DYNC2H1: variants seen among roughly 807,000 people sequenced by gnomAD.
DYNC2H1 encodes dynein cytoplasmic 2 heavy chain 1.
A neutral mutation model predicts 570.0 loss-of-function variants in DYNC2H1; 410 were observed. That is an observed-to-expected ratio of 0.72 (90% CI 0.66 to 0.78). The LOEUF (loss-of-function observed/expected upper bound fraction) is 0.78. Ranked by LOEUF, DYNC2H1 falls within the 30% of genes least tolerant of loss-of-function variation. DYNC2H1 has a pLI of 0.00. For missense variants in DYNC2H1, 4,865 were observed against 5,046.4 expected (o/e 0.96, Z 1.09); for synonymous variants, 1,688 against 1,677.6 (o/e 1.01, Z -0.15).
rs1486922597 is a variant in DYNC2H1 at position 103,209,831 on chromosome 11, A to G, written c.8455-45A>G. The G allele has an allele frequency of 2.2e-6, 3 of 1,359,354 alleles. No homozygotes were observed. Among genetic ancestry groups the G allele is most frequent in the Non-Finnish European group, 2.9e-6 (3 of 1,045,460 alleles). The allele number at this position is 1,359,354 out of a possible 1,614,324, so 84.2% of individuals were successfully genotyped here. On this transcript the variant is annotated intron_variant, in intron 52 of 88. Transcript: ENST00000375735. The surrounding 1 kb of genome is among the most constrained non-coding windows in gnomAD (Gnocchi z 4.2). ...GTATTAAAGGTTTTTAACTTATGAT[A>G]TGGGACTTATACTCTTTCATAGTGA...
At chr11:103,430,053 G>A (rs555988491) in intron 84 of DYNC2H1, among the ~76,000 whole-genome samples, 1 of 152,134 alleles carries the variant, frequency 6.6e-6, no homozygotes, top group Non-Finnish European at 1.5e-5. Flanking sequence ...TACTGGTATT[G>A]CACTCCTATT....
intron 36 of DYNC2H1, among the ~76,000 whole-genome samples, chr11:103,174,686 A>G (rs902036313): frequency 3.3e-5 from 5 of 152,120 alleles, no homozygotes; most frequent in Non-Finnish European, 5.9e-5. Flanking sequence ...TAGGTTATAA[A>G]TGTTTGGAAA....
At position 103,431,061 on chromosome 11, in the gene DYNC2H1, A is replaced by G. The variant is rs78100158; in HGVS notation, c.12367-4882A>G. ...ATTTACTCATACTTGCTGCATAATCACTTAATTGAGATTTGAGAGAGAGTG... is the reference window on the plus strand; with the variant it reads ...ATTTACTCATACTTGCTGCATAATCGCTTAATTGAGATTTGAGAGAGAGTG... On this transcript the variant is annotated intron_variant, in intron 84 of 88. Transcript: ENST00000375735. 9.9e-4 allele frequency among the ~76,000 whole-genome samples: 151 copies of G among 152,154 alleles called. 2 individuals are homozygous for G. In the East Asian group the frequency reaches 0.028, roughly 28 times the overall value.
At chr11:103,271,170 T>C (rs1381678546) in intron 70 of DYNC2H1, among the ~76,000 whole-genome samples, 1 of 152,232 alleles carries the variant, frequency 6.6e-6, no homozygotes, top group Non-Finnish European at 1.5e-5. Flanking sequence ...TCTGCGAAGA[T>C]TAGTTTTTCT....
In DYNC2H1 at chr11:103,186,020, A is replaced by C. The variant is rs1458696172; in HGVS notation, c.6634-222A>C. ...CTTAGTGTATAAATAAATATCCACTATGTCATTATCTCCTATATATACTTT... is the reference window on the plus strand; with the variant it reads ...CTTAGTGTATAAATAAATATCCACTCTGTCATTATCTCCTATATATACTTT... On this transcript the variant is annotated intron_variant, in intron 41 of 88. Coordinates refer to ENST00000375735, the MANE Select transcript of DYNC2H1 (RefSeq NM_001377.3). The surrounding 1 kb of genome is among the most constrained non-coding windows in gnomAD (Gnocchi z 4.5). Among the ~76,000 whole-genome samples the C allele has an allele frequency of 2.0e-5, 3 of 152,032 alleles. No individual in the cohort carries two copies. Among genetic ancestry groups the C allele is most frequent in the East Asian group, 3.8e-4 (2 of 5,198 alleles).
chr11:103,417,437 A>G (rs190599958), intron 84 of DYNC2H1, among the ~76,000 whole-genome samples: 8 of 152,288 alleles, frequency 5.3e-5, no homozygotes, highest in Admixed American at 2.0e-4. Context: ...CAAAGACATT[A>G]TAGGTGAAAA....
chr11:103,283,366 G>A (rs1325485631), intron 73 of DYNC2H1, among the ~76,000 whole-genome samples: 1 of 152,054 alleles, frequency 6.6e-6, no homozygotes, highest in African/African-American at 2.4e-5. Context: ...ATGGTGACAT[G>A]GGGGAAGAAA....
In DYNC2H1 at chr11:103,243,145, A is replaced by G. The variant is rs1864481531; in HGVS notation, c.9820-548A>G. 6.6e-6 allele frequency among the ~76,000 whole-genome samples: 1 copy of G among 152,124 alleles called. No individual in the cohort carries two copies. The highest frequency in any genetic ancestry group is 6.6e-5 in the Admixed American group (1 of 15,262). On this transcript the variant is annotated intron_variant, in intron 63 of 88. Coordinates refer to ENST00000375735, the MANE Select transcript of DYNC2H1 (RefSeq NM_001377.3). This position sits in a 1 kb window ranked among gnomAD's most constrained non-coding sequence, Gnocchi z 4.8. ...AGTAATATTGGATATATACTGCTTTAGAAGAATTAATGTCTTAAAATGTGA... is the reference window on the plus strand; with the variant it reads ...AGTAATATTGGATATATACTGCTTTGGAAGAATTAATGTCTTAAAATGTGA...
At chr11:103,414,227 G>A (rs1709155) in intron 84 of DYNC2H1, among the ~76,000 whole-genome samples, 77,183 of 152,046 alleles carry the variant, frequency 0.51, 19,862 homozygotes, top group African/African-American at 0.6. Flanking sequence ...GGACATCACT[G>A]CATTTCCTAC....
chr11:103,353,119 G>A (rs538485384), intron 82 of DYNC2H1, among the ~76,000 whole-genome samples: 13 of 152,158 alleles, frequency 8.5e-5, no homozygotes, highest in Non-Finnish European at 1.8e-4. Flanking sequence ...GACACAGGGA[G>A]AGGAACAACA....
chr11:103,209,512 G>A lies in DYNC2H1; in HGVS notation c.8455-364G>A, dbSNP rs1021471475. ...CTAAGAATCCTTGCTACCCCACTAT[G>A]TCATGAAGGCATTTTACTAGTTTTA... On this transcript the variant is annotated intron_variant, in intron 52 of 88. Transcript: ENST00000375735. This position sits in a 1 kb window ranked among gnomAD's most constrained non-coding sequence, Gnocchi z 4.2. Among the ~76,000 whole-genome samples, 7 of 151,810 alleles carry A rather than the reference G, an allele frequency of 4.6e-5. No homozygotes were observed. Among genetic ancestry groups the A allele is most frequent in the Non-Finnish European group, 8.8e-5 (6 of 67,798 alleles).
chr11:103,293,288 A>G (rs1166543474), intron 75 of DYNC2H1, among the ~76,000 whole-genome samples: 1 of 152,128 alleles, frequency 6.6e-6, no homozygotes, highest in Non-Finnish European at 1.5e-5. Flanking sequence ...ATGTGCTGCC[A>G]GACATACGGA....
intron 75 of DYNC2H1, among the ~76,000 whole-genome samples, chr11:103,298,166 A>G (rs1452576976): frequency 6.6e-6 from 1 of 151,060 alleles, no homozygotes; most frequent in Non-Finnish European, 1.5e-5. Context: ...TCTCCTAACC[A>G]CTCTTGACCC....
At chr11:103,476,572 A>T (rs2135871426) in intron 88 of DYNC2H1, among the ~76,000 whole-genome samples, 1 of 152,310 alleles carries the variant, frequency 6.6e-6, no homozygotes, top group Admixed American at 6.5e-5. Context: ...AAAATTTAGG[A>T]CAGATGGTGT....
intron 35 of DYNC2H1, among the ~76,000 whole-genome samples, chr11:103,173,738 T>C (rs1415466846): frequency 6.6e-6 from 1 of 152,152 alleles, no homozygotes; most frequent in African/African-American, 2.4e-5. Context: ...AATGGTGAAC[T>C]AGACAGTGTC....
At chr11:103,164,010 G>A (rs1381251854) in intron 30 of DYNC2H1, among the ~76,000 whole-genome samples, 1 of 152,116 alleles carries the variant, frequency 6.6e-6, no homozygotes, top group Non-Finnish European at 1.5e-5. Context: ...AAACTGAAAT[G>A]TTTCAAAAAA....
intron 82 of DYNC2H1, among the ~76,000 whole-genome samples, chr11:103,353,953 C>A (rs1008276221): frequency 6.6e-6 from 1 of 151,702 alleles, no homozygotes; most frequent in Non-Finnish European, 1.5e-5. Context: ...CCGAGGCAGG[C>A]GGATCACGAG....
At chr11:103,230,799 G>A (rs1301259695) in intron 59 of DYNC2H1, among the ~76,000 whole-genome samples, 1 of 152,134 alleles carries the variant, frequency 6.6e-6, no homozygotes, top group East Asian at 1.9e-4. Context: ...AAGCCTAGGA[G>A]TTTGAGGCTG....
At position 103,125,063 on chromosome 11, in the gene DYNC2H1, A is replaced by G. The variant is rs374164016; in HGVS notation, c.1662-37A>G. ...GTGTTTATTAGTCAAAACAGTGAGA[A>G]CATGAAACTTAACAGGTTATTTATT... On this transcript the variant is annotated intron_variant, in intron 11 of 88. Coordinates refer to ENST00000375735, the MANE Select transcript of DYNC2H1 (RefSeq NM_001377.3). 117 of 1,506,422 alleles carry G rather than the reference A, an allele frequency of 7.8e-5. 1 individual carries two copies. In the African/African-American group the frequency reaches 1.4e-3, roughly 18 times the overall value. 93.3% of individuals were successfully genotyped at this position (1,506,422 alleles called of 1,614,324 possible). A position where few individuals can be genotyped will look rare whatever the true frequency, so the allele number is the denominator to read the frequency against.
Sources: allele counts gnomAD v4.1 joint callset (sites outside exome capture counted in the v4.1 genomes callset), GRCh38; gene constraint gnomAD v4.1.1; non-coding constraint Gnocchi (gnomAD v3.1); transcripts MANE v1.5; gene names NCBI Gene and HGNC (gene_info 2026-07-23, HGNC 2026-07-21).